The following SUGCT variants were observed in gnomAD, a reference collection of about 807,000 sequenced individuals.
SUGCT encodes the protein succinyl-CoA:glutarate-CoA transferase, also known as succinyl-CoA:glutarate CoA-transferase.
SUGCT carries 41 observed loss-of-function variants against 55.0 expected under a neutral mutation model. The ratio of observed to expected loss-of-function variants is 0.74; its 90% confidence interval spans 0.58 to 0.97. SUGCT has a LOEUF of 0.97. Ranked by LOEUF, SUGCT falls within the 50% of genes least tolerant of loss-of-function variation. SUGCT has a pLI of 0.00. For synonymous variants in SUGCT, 187 were observed against 200.4 expected (o/e 0.93, Z 0.56); for missense variants, 568 against 547.8 (o/e 1.04, Z -0.37).
At chr7:40,257,966 A>G (rs1372158270) in intron 7 of SUGCT, among the ~76,000 whole-genome samples, 2 of 152,202 alleles carry the variant, frequency 1.3e-5, no homozygotes, top group Non-Finnish European at 2.9e-5. Context: ...TTTCAATTGG[A>G]GGATGCTTGT....
chr7:40,899,656 C>CT, the SUGCT span, among the ~76,000 whole-genome samples: 4,215 of 148,982 alleles, frequency 0.028, 190 homozygotes, highest in African/African-American at 0.092. Flanking sequence ...CTCTTTCCTA[C>CT]TTTTTTTTTT....
intron 12 of SUGCT, among the ~76,000 whole-genome samples, chr7:40,653,516 GC>G (rs1388997706): frequency 2.0e-5 from 3 of 152,124 alleles, no homozygotes; most frequent in African/African-American, 7.2e-5. Context: ...AGGAAAAATG[GC>G]TTAGTAAGCT....
At chr7:40,772,550 CTATCTATCTA>C (rs1562994184) in intron 13 of SUGCT, among the ~76,000 whole-genome samples, 11 of 145,852 alleles carry the variant, frequency 7.5e-5, no homozygotes, top group Middle Eastern at 3.6e-3. Context: ...ATCTATCTAT[CTATCTATCTA>C]TCTGGTGTTA....
intron 9 of SUGCT, among the ~76,000 whole-genome samples, chr7:40,365,883 C>A (rs1045399495): frequency 1.3e-5 from 2 of 152,114 alleles, no homozygotes; most frequent in East Asian, 3.9e-4. Flanking sequence ...AAGCTACCAA[C>A]GACTTTCTTC....
At chr7:40,394,313 T>A (rs1313258788) in intron 9 of SUGCT, among the ~76,000 whole-genome samples, 1 of 152,178 alleles carries the variant, frequency 6.6e-6, no homozygotes. Context: ...AATGGGTTTT[T>A]TTAATAGAAG....
chr7:40,254,232 C>T (rs1280198690), intron 7 of SUGCT, among the ~76,000 whole-genome samples: 1 of 152,186 alleles, frequency 6.6e-6, no homozygotes, highest in Non-Finnish European at 1.5e-5. Context: ...AGATTTCACA[C>T]ACACATACAC....
At chr7:40,935,970 G>A in the SUGCT span, among the ~76,000 whole-genome samples, 1 of 152,036 alleles carries the variant, frequency 6.6e-6, no homozygotes, top group South Asian at 2.1e-4. Flanking sequence ...CTGTGGTTTT[G>A]ATGTTCATTT....
chr7:40,349,311 A>G (rs1797488859), intron 9 of SUGCT, among the ~76,000 whole-genome samples: 1 of 152,032 alleles, frequency 6.6e-6, no homozygotes, highest in South Asian at 2.1e-4. Flanking sequence ...CTTTTGATAC[A>G]TTTGATTTGG....
At position 40,153,057 on chromosome 7, in the gene SUGCT, A is replaced by G. The variant is rs1788665276; in HGVS notation, c.100+17937A>G. The stretch of plus-strand genomic sequence containing the variant: ...AAACAAACAAAAACAAAGCTCAAAA[A>G]GATAATTCAGAATTCAAGTAAAAGG... On this transcript the variant is annotated intron_variant, in intron 1 of 13. Transcript: ENST00000335693. 3 of 184,668 alleles carry G rather than the reference A, an allele frequency of 1.6e-5. 1 individual carries two copies. The South Asian group carries it at 3.1e-4, about 19-fold the overall frequency. 11.4% of individuals were successfully genotyped at this position (184,668 alleles called of 1,614,324 possible). A position where few individuals can be genotyped will look rare whatever the true frequency, so the allele number is the denominator to read the frequency against.
At chr7:40,296,247 T>C (rs1186752769) in intron 8 of SUGCT, among the ~76,000 whole-genome samples, 1 of 152,242 alleles carries the variant, frequency 6.6e-6, no homozygotes, top group African/African-American at 2.4e-5. Flanking sequence ...CCTTTTTTTA[T>C]GTGAAAATTC....
intron 13 of SUGCT, among the ~76,000 whole-genome samples, chr7:40,817,320 A>G (rs1791721984): frequency 6.6e-6 from 1 of 152,268 alleles, no homozygotes. Flanking sequence ...AGAGGTATTC[A>G]GTAGATACTA....
intron 9 of SUGCT, among the ~76,000 whole-genome samples, chr7:40,436,050 T>C (rs930337685): frequency 6.6e-6 from 1 of 151,366 alleles, no homozygotes; most frequent in Non-Finnish European, 1.5e-5. Flanking sequence ...TTCAAGCAAT[T>C]CTCCTGCCTC....
Position 40,536,634 on chromosome 7 carries a change from A to G in SUGCT, c.1089+40248A>G, listed in dbSNP as rs369073398. ...CAAGCATTTCCTGAATTCTTGCTACATGTCAAGTACTTGGCTAGGCTCTGG... is the reference window on the plus strand; with the variant it reads ...CAAGCATTTCCTGAATTCTTGCTACGTGTCAAGTACTTGGCTAGGCTCTGG... On this transcript the variant is annotated intron_variant, in intron 12 of 13. Coordinates refer to ENST00000335693, the MANE Select transcript of SUGCT (RefSeq NM_001193313.2). Among the ~76,000 whole-genome samples the G allele has an allele frequency of 2.8e-4, 43 of 152,318 alleles. 1 individual carries two copies. The East Asian group carries it at 2.9e-3, about 10-fold the overall frequency.
At chr7:40,862,236 C>T (rs1411356027), downstream of SUGCT, among the ~76,000 whole-genome samples, 2 of 151,558 alleles carry the variant, frequency 1.3e-5, no homozygotes, top group African/African-American at 4.8e-5. Context: ...ATGTACAGCT[C>T]AGTCTTCAGA....
the SUGCT span, among the ~76,000 whole-genome samples, chr7:41,038,143 C>G: frequency 2.2e-4 from 34 of 152,112 alleles, no homozygotes; most frequent in African/African-American, 7.5e-4. Context: ...CTCAGGGCAC[C>G]TGCCTGCCCG....
Position 40,478,753 on chromosome 7 carries a change from T to C in SUGCT, c.987-17531T>C, listed in dbSNP as rs1285590460. On this transcript the variant is annotated intron_variant, in intron 11 of 13. Coordinates refer to ENST00000335693, the MANE Select transcript of SUGCT (RefSeq NM_001193313.2). ...AGTATCGTTAACTGCAGTCACGTTG[T>C]TTACTATATCTCCAGAACGTATTTG... Among the ~76,000 whole-genome samples the C allele has an allele frequency of 2.0e-5, 3 of 152,120 alleles. No individual in the cohort carries two copies. In the South Asian group the frequency reaches 6.2e-4, roughly 31 times the overall value.
chr7:40,457,089 C>G (rs192645608), intron 10 of SUGCT, among the ~76,000 whole-genome samples: 33 of 150,510 alleles, frequency 2.2e-4, no homozygotes, highest in African/African-American at 7.6e-4. Flanking sequence ...TTGCCAATGT[C>G]TCTTCATTTT....
rs557831360 is a variant in SUGCT, at chr7:40,493,758, T to C, written c.987-2526T>C. 1.5e-4 allele frequency among the ~76,000 whole-genome samples: 23 copies of C among 152,326 alleles called. No homozygotes were observed. The South Asian group carries it at 4.8e-3, about 32-fold the overall frequency. On this transcript the variant is annotated intron_variant, in intron 11 of 13. Coordinates refer to ENST00000335693, the MANE Select transcript of SUGCT (RefSeq NM_001193313.2). ...TGCCCTGAGTGATTTAGATCAGCTT[T>C]TTAAATTTTTTTTAGCAGAATTTTT...
At chr7:40,998,978 G>A in the SUGCT span, among the ~76,000 whole-genome samples, 2 of 152,210 alleles carry the variant, frequency 1.3e-5, no homozygotes, top group South Asian at 4.1e-4. Context: ...AATTTAAGCA[G>A]TGGTACACAT....
Sources: gnomAD v4.1 joint callset for allele counts (sites outside exome capture counted in the v4.1 genomes callset) on GRCh38, gnomAD v4.1.1 for gene constraint, MANE v1.5 for transcripts, NCBI Gene and HGNC (gene_info 2026-07-23, HGNC 2026-07-21) for gene names.